TAFA2: variants seen among roughly 807,000 people sequenced by gnomAD.
TAFA2 encodes the protein chemokine-like protein TAFA-2.
Under a neutral mutation model 18.8 loss-of-function variants are expected in TAFA2, and 7 were observed. The ratio of observed to expected loss-of-function variants is 0.37; its 90% CI spans 0.21 to 0.70. The LOEUF (loss-of-function observed/expected upper bound fraction) is 0.70, where lower values mean the gene tolerates loss of function less well. Ranked by LOEUF, TAFA2 falls within the 30% of genes least tolerant of loss-of-function variation. The pLI, the probability that TAFA2 is intolerant of heterozygous loss-of-function variation, is 0.53. For missense variants in TAFA2, 122 were observed against 158.1 expected, an observed-to-expected ratio of 0.77 and a Z score of 1.23; for synonymous variants, 60 against 54.2, an observed-to-expected ratio of 1.11 and a Z score of -0.47.
At chr12:62,005,881 T>C (rs1880531797) in intron 1 of TAFA2, among the ~76,000 whole-genome samples, 1 of 152,142 alleles carries the variant, frequency 6.6e-6, no homozygotes, top group Non-Finnish European at 1.5e-5. Context: ...AAAAAACATG[T>C]CTGAGAAAGA....
chr12:61,815,214 T>G (rs1419018469), intron 2 of TAFA2, among the ~76,000 whole-genome samples: 1 of 151,514 alleles, frequency 6.6e-6, no homozygotes, highest in Non-Finnish European at 1.5e-5. Context: ...ATCTATAAAT[T>G]TTAACTTGAA....
rs145412257 is a variant in TAFA2, at chr12:62,247,104, C to A, written c.-130+11659G>T. Among the ~76,000 whole-genome samples, 953 of 152,094 alleles carry A rather than the reference C, an allele frequency of 6.3e-3. 8 individuals carry two copies. Among genetic ancestry groups the A allele is most frequent in the African/African-American group, 0.021 (890 of 41,488 alleles). On this transcript the variant is annotated intron_variant, in intron 1 of 5. Transcript: ENST00000551619. The stretch of plus-strand genomic sequence containing the variant: ...GCTGCTGTTATTGTTTCCTTGTCTG[C>A]CTTATATTAGATTGCTTAATTTACT...
intron 1 of TAFA2, among the ~76,000 whole-genome samples, chr12:62,172,187 A>T (rs1399249738): frequency 6.6e-6 from 1 of 152,152 alleles, no homozygotes; most frequent in Non-Finnish European, 1.5e-5. Context: ...ACAAAATTAT[A>T]GGTTTAGGAT....
At chr12:61,761,925 C>T (rs1172366986) in intron 2 of TAFA2, among the ~76,000 whole-genome samples, 1 of 151,996 alleles carries the variant, frequency 6.6e-6, no homozygotes, top group Non-Finnish European at 1.5e-5. Context: ...GCACCATCCC[C>T]CTAGTCCTGT....
At chr12:61,816,202 T>G (rs1164236922) in intron 2 of TAFA2, among the ~76,000 whole-genome samples, 1 of 151,210 alleles carries the variant, frequency 6.6e-6, no homozygotes, top group East Asian at 1.9e-4. Flanking sequence ...TAGACCCCAG[T>G]GTCTGTTGCT....
intron 1 of TAFA2, among the ~76,000 whole-genome samples, chr12:61,894,700 G>A (rs563554672): frequency 6.6e-6 from 1 of 152,064 alleles, no homozygotes; most frequent in Non-Finnish European, 1.5e-5. Flanking sequence ...GAATTCCCTG[G>A]TTTATTAAAG....
At chr12:61,963,600 T>C (rs961660251) in intron 1 of TAFA2, among the ~76,000 whole-genome samples, 1 of 151,982 alleles carries the variant, frequency 6.6e-6, no homozygotes. Flanking sequence ...ATATTAGCCC[T>C]TTGTCAGATG....
intron 1 of TAFA2, among the ~76,000 whole-genome samples, chr12:62,011,808 A>G (rs1880780497): frequency 1.3e-5 from 2 of 151,886 alleles, no homozygotes; most frequent in African/African-American, 2.4e-5. Context: ...GTGGGCTTGT[A>G]TAAGACAGAC....
intron 1 of TAFA2, among the ~76,000 whole-genome samples, chr12:61,981,673 G>C (rs1185369604): frequency 1.3e-5 from 2 of 152,144 alleles, no homozygotes; most frequent in Admixed American, 1.3e-4. Flanking sequence ...CTTCTCAAAA[G>C]AAGACAATTA....
At chr12:61,753,767 T>A (rs1175960981) in intron 3 of TAFA2, 21 bp from the exon 4 acceptor site, 2 of 1,586,644 alleles carry the variant, frequency 1.3e-6, no homozygotes, top group Non-Finnish European at 1.7e-6. Context: ...GAAAAAAAAT[T>A]GACTCAACAT....
At chr12:61,795,543 A>G (rs1359404722) in intron 2 of TAFA2, among the ~76,000 whole-genome samples, 1 of 152,082 alleles carries the variant, frequency 6.6e-6, no homozygotes, top group Non-Finnish European at 1.5e-5. Flanking sequence ...GAACGCTTGG[A>G]CACAGGAAGG....
At chr12:62,123,226 C>T (rs140805262) in intron 1 of TAFA2, among the ~76,000 whole-genome samples, 9 of 152,306 alleles carry the variant, frequency 5.9e-5, no homozygotes, top group East Asian at 1.9e-4. Context: ...CCACACTCCA[C>T]ACCTCATATA....
intron 1 of TAFA2, among the ~76,000 whole-genome samples, chr12:61,885,631 T>C (rs1875341922): frequency 6.6e-6 from 1 of 152,220 alleles, no homozygotes. Context: ...TAACTCTTTC[T>C]GTGTGAAGAA....
rs71083956 is a variant in TAFA2 at position 61,760,365 on chromosome 12, A to AATATATATATATATATATAT, written c.107-5342_107-5341insATATATATATATATATATAT. 6.9e-3 allele frequency among the ~76,000 whole-genome samples: 846 copies of AATATATATATATATATATAT among 122,086 alleles called. 27 individuals carry two copies. Among genetic ancestry groups the AATATATATATATATATATAT allele is most frequent in the African/African-American group, 0.016 (539 of 33,326 alleles). The allele number at this position is 122,086 out of a possible 152,430, so 80.1% of individuals were successfully genotyped here. On this transcript the variant is annotated intron_variant, in intron 2 of 4. Transcript: ENST00000416284. ...TTGGCATTGGTAGGAAAAATATCAA[A>AATATATATATATATATATAT]ATATATATATATATATATGCGCCAG... is the stretch of plus-strand genomic sequence containing the variant.
chr12:62,092,323 T>C, intron 1 of TAFA2, among the ~76,000 whole-genome samples: 1 of 151,958 alleles, frequency 6.6e-6, no homozygotes, highest in Non-Finnish European at 1.5e-5. Context: ...TATTACCCCA[T>C]TTCTCTTCAA....
intron 1 of TAFA2, among the ~76,000 whole-genome samples, chr12:61,969,175 G>A (rs1879163808): frequency 6.6e-6 from 1 of 151,622 alleles, no homozygotes. Flanking sequence ...GCCACCATAA[G>A]TAATCAATAA....
At chr12:61,784,755 T>C (rs1342413339) in intron 2 of TAFA2, among the ~76,000 whole-genome samples, 2 of 151,418 alleles carry the variant, frequency 1.3e-5, no homozygotes, top group Non-Finnish European at 3.0e-5. Flanking sequence ...AAGTTTTACA[T>C]ATTTAGTCTT....
At chr12:61,900,516 C>T (rs1220267494) in intron 1 of TAFA2, among the ~76,000 whole-genome samples, 2 of 152,136 alleles carry the variant, frequency 1.3e-5, no homozygotes, top group Non-Finnish European at 2.9e-5. Flanking sequence ...AGGCCTCAGG[C>T]AACTTGCAAA....
At chr12:61,944,942 CT>C (rs1878203071) in intron 1 of TAFA2, among the ~76,000 whole-genome samples, 1 of 145,344 alleles carries the variant, frequency 6.9e-6, no homozygotes, top group Non-Finnish European at 1.5e-5. Context: ...GGAATCCTCC[CT>C]AACTCATTTT....
Sources: allele counts gnomAD v4.1 joint callset (sites outside exome capture counted in the v4.1 genomes callset), GRCh38; gene constraint gnomAD v4.1.1; transcripts MANE v1.5; gene names NCBI Gene and HGNC (gene_info 2026-07-23, HGNC 2026-07-21).